Variants in TRMT11 observed in about 807,000 individuals in gnomAD.
TRMT11 encodes tRNA methyltransferase 11.
TRMT11 carries 53 observed loss-of-function variants against 62.8 expected under a neutral mutation model. The observed-to-expected ratio is 0.84, with a 90% CI of 0.68 to 1.06. TRMT11 has a LOEUF of 1.06. Ranked by LOEUF, TRMT11 falls within the 50% of genes least tolerant of loss-of-function variation. The pLI, the probability that TRMT11 is intolerant of heterozygous loss-of-function variation, is 0.00. For synonymous variants in TRMT11, 188 were observed against 190.3 expected, an observed-to-expected ratio of 0.99 and a Z score of 0.10; for missense variants, 556 against 553.4, an observed-to-expected ratio of 1.00 and a Z score of -0.05.
chr6:126,057,385 T>C (rs1776402863), intron 17 of TRMT11, among the ~76,000 whole-genome samples: 1 of 152,256 alleles, frequency 6.6e-6, no homozygotes, highest in Non-Finnish European at 1.5e-5. Context: ...AAAATCAATG[T>C]CGATGAATTA....
intron 21 of TRMT11, among the ~76,000 whole-genome samples, chr6:126,162,272 T>C (rs973627853): frequency 1.3e-5 from 2 of 152,248 alleles, no homozygotes; most frequent in Non-Finnish European, 2.9e-5. Context: ...TTCAGTTTTC[T>C]GCATATGGCA....
intron 16 of TRMT11, among the ~76,000 whole-genome samples, chr6:126,049,693 A>C (rs1268120): frequency 0.99 from 150,844 of 152,274 alleles, 74,720 homozygotes; most frequent in Middle Eastern, 1. Context: ...AATTAAGTAC[A>C]CAGGAGAAGC....
At chr6:126,132,635 C>G (rs1777798647) in intron 21 of TRMT11, among the ~76,000 whole-genome samples, 2 of 151,982 alleles carry the variant, frequency 1.3e-5, no homozygotes, top group African/African-American at 4.8e-5. Context: ...ACCAATATGC[C>G]ATTCCGTCTA....
At chr6:126,209,430 T>A in the TRMT11 span, among the ~76,000 whole-genome samples, 1 of 152,024 alleles carries the variant, frequency 6.6e-6, no homozygotes, top group Non-Finnish European at 1.5e-5. Flanking sequence ...TTCAAAATAC[T>A]TTGGTGTAGG....
chr6:125,999,938 A>T (rs1792192997), intron 7 of TRMT11, among the ~76,000 whole-genome samples: 1 of 152,176 alleles, frequency 6.6e-6, no homozygotes, highest in Admixed American at 6.6e-5. Context: ...TAAATAGGAA[A>T]ACTCTTGGTG....
intron 1 of TRMT11, among the ~76,000 whole-genome samples, chr6:126,195,131 A>C (rs1011726078): frequency 6.6e-6 from 1 of 152,196 alleles, no homozygotes; most frequent in Non-Finnish European, 1.5e-5. Context: ...TTATTGGTAA[A>C]AATTAATTAC....
At chr6:126,244,013 C>T in the TRMT11 span, among the ~76,000 whole-genome samples, 12 of 152,242 alleles carry the variant, frequency 7.9e-5, no homozygotes, top group Admixed American at 1.3e-4. Flanking sequence ...CCACTTTCTA[C>T]GTGAGTTTCT....
At chr6:126,033,396 C>T (rs149957649) in intron 12 of TRMT11, among the ~76,000 whole-genome samples, 52 of 152,158 alleles carry the variant, frequency 3.4e-4, no homozygotes, top group African/African-American at 1.2e-3. Flanking sequence ...GCTGAAATCG[C>T]TTTAGCATCT....
chr6:126,158,580 T>C (rs543139888), intron 21 of TRMT11, among the ~76,000 whole-genome samples: 1 of 152,310 alleles, frequency 6.6e-6, no homozygotes, highest in Non-Finnish European at 1.5e-5. Context: ...ATCCTTATGG[T>C]ATATGAAAGA....
At chr6:125,991,071 C>A (rs1242159642) in intron 1 of TRMT11, among the ~76,000 whole-genome samples, 1 of 151,628 alleles carries the variant, frequency 6.6e-6, no homozygotes, top group Admixed American at 6.6e-5. Context: ...ATAGTGAAAC[C>A]CCATCTCTAC....
the TRMT11 span, among the ~76,000 whole-genome samples, chr6:126,229,215 TAA>T: frequency 1.1e-4 from 16 of 152,364 alleles, no homozygotes; most frequent in East Asian, 2.9e-3. Flanking sequence ...TCTAGATCTT[TAA>T]ATAGGTTGGA....
At chr6:126,174,423 A>T (rs1305404931), upstream of TRMT11, among the ~76,000 whole-genome samples, 4 of 152,198 alleles carry the variant, frequency 2.6e-5, no homozygotes, top group African/African-American at 9.7e-5. Context: ...CATGCCCTTC[A>T]ATTTACCAAA....
intron 21 of TRMT11, among the ~76,000 whole-genome samples, chr6:126,149,168 A>G (rs1778008803): frequency 6.6e-6 from 1 of 152,252 alleles, no homozygotes; most frequent in Admixed American, 6.5e-5. Flanking sequence ...GTTTCTGGAA[A>G]GCCAGAAGGA....
At chr6:126,122,156 G>A (rs960293141) in intron 21 of TRMT11, among the ~76,000 whole-genome samples, 8 of 152,014 alleles carry the variant, frequency 5.3e-5, no homozygotes, top group African/African-American at 1.4e-4. Flanking sequence ...TTCATCTTCT[G>A]CCATGATTGT....
At position 126,005,662 on chromosome 6, in the gene TRMT11, T is replaced by C. The variant is rs764256351; in HGVS notation, c.680-2730T>C. On this transcript the variant is annotated intron_variant, in intron 7 of 12. Coordinates refer to ENST00000334379, the MANE Select transcript of TRMT11 (RefSeq NM_001031712.3). ...CATAAACTCATTTTCTAGTACTCTT[T>C]TTGGCTAATTTCCAAGATATTAGTA... Among the ~76,000 whole-genome samples, 8 of 152,168 alleles carry C rather than the reference T, an allele frequency of 5.3e-5. No homozygotes were observed. The South Asian group carries it at 6.2e-4, about 12-fold the overall frequency.
intron 16 of TRMT11, among the ~76,000 whole-genome samples, chr6:126,048,871 A>G (rs1171497078): frequency 1.3e-5 from 2 of 152,074 alleles, no homozygotes; most frequent in Non-Finnish European, 1.5e-5. Flanking sequence ...TACTATTGAC[A>G]CTTTCTCAGG....
intron 12 of TRMT11, among the ~76,000 whole-genome samples, chr6:126,038,447 A>G (rs1468168159): frequency 6.7e-6 from 1 of 150,298 alleles, no homozygotes; most frequent in Non-Finnish European, 1.5e-5. Flanking sequence ...CAAAAAAAAA[A>G]AAAAAAGAAA....
chr6:126,018,955 A>G (rs1795393515), intron 11 of TRMT11, among the ~76,000 whole-genome samples: 2 of 151,978 alleles, frequency 1.3e-5, no homozygotes, highest in African/African-American at 4.8e-5. Flanking sequence ...ATCTCGGCTC[A>G]CTACAACCTC....
chr6:126,014,074 A>G (rs1794646378), intron 11 of TRMT11, among the ~76,000 whole-genome samples: 2 of 152,230 alleles, frequency 1.3e-5, no homozygotes, highest in Non-Finnish European at 1.5e-5. Flanking sequence ...TTTGTTATTC[A>G]GTAACTATTA....
Sources: allele counts gnomAD v4.1 joint callset (sites outside exome capture counted in the v4.1 genomes callset), GRCh38; gene constraint gnomAD v4.1.1; transcripts MANE v1.5; gene names NCBI Gene and HGNC (gene_info 2026-07-23, HGNC 2026-07-21).